The following FOXP2 variants were observed in gnomAD, a reference collection of about 807,000 sequenced individuals.
FOXP2 encodes the protein forkhead box protein P2.
FOXP2 carries 12 observed loss-of-function variants against 115.8 expected under a neutral mutation model. The observed-to-expected ratio is 0.10, with a 90% confidence interval of 0.07 to 0.17. FOXP2 has a LOEUF of 0.17. FOXP2 is among the 10% of genes least tolerant of loss of function. The pLI is 1.00. For synonymous variants in FOXP2, 328 were observed against 297.7 expected (o/e 1.10, Z -1.05); for missense variants, 629 against 843.5 (o/e 0.75, Z 3.15).
chr7:114,319,636 AC>A (rs1332023405), intron 2 of FOXP2, among the ~76,000 whole-genome samples: 1 of 152,042 alleles, frequency 6.6e-6, no homozygotes, highest in Non-Finnish European at 1.5e-5. Context: ...CATGGGAAAG[AC>A]CCACCCCCAT....
rs112191899 is a variant in FOXP2, at chr7:114,605,200, T to C, written c.259-23340T>C. ...CATTTACATGTTTTTTTCTTGCCATTACATCTTCACAGCAGATTAAATGAC... is the reference window on the plus strand; with the variant it reads ...CATTTACATGTTTTTTTCTTGCCATCACATCTTCACAGCAGATTAAATGAC... On this transcript the variant is annotated intron_variant, in intron 3 of 16. Transcript: ENST00000350908. Among the ~76,000 whole-genome samples, 1,296 of 152,244 alleles carry C rather than the reference T, an allele frequency of 8.5e-3. 9 individuals are homozygous for C. The highest frequency in any genetic ancestry group is 0.012 in the Non-Finnish European group (830 of 68,010).
At chr7:114,642,812 A>ATATTTTT (rs1308357594) in intron 7 of FOXP2, among the ~76,000 whole-genome samples, 189 bp downstream of exon 7, 14 of 72,434 alleles carry the variant, frequency 1.9e-4, no homozygotes, top group African/African-American at 6.4e-4. Context: ...ATATATATAT[A>ATATTTTT]TTTTTTTTTT....
chr7:114,150,408 C>T (rs1188917428), intron 1 of FOXP2, among the ~76,000 whole-genome samples: 2 of 151,948 alleles, frequency 1.3e-5, no homozygotes, highest in East Asian at 3.9e-4. Context: ...TGGTATGTTT[C>T]TAGAAATAGT....
intron 3 of FOXP2, among the ~76,000 whole-genome samples, chr7:114,614,608 A>C (rs1031273912): frequency 1.3e-5 from 2 of 152,042 alleles, no homozygotes; most frequent in Non-Finnish European, 2.9e-5. Context: ...GTTCTCTAGA[A>C]TTTTTATGGT....
At chr7:114,134,245 C>T (rs574538427) in intron 1 of FOXP2, among the ~76,000 whole-genome samples, 2 of 152,080 alleles carry the variant, frequency 1.3e-5, no homozygotes, top group Non-Finnish European at 2.9e-5. Context: ...TGGTGAATAT[C>T]TCAGAGGGGG....
chr7:114,406,267 T>C (rs993430750), intron 2 of FOXP2, among the ~76,000 whole-genome samples: 18 of 151,964 alleles, frequency 1.2e-4, no homozygotes, highest in African/African-American at 4.3e-4. Context: ...AAAAAACATA[T>C]TTTGCTCCAG....
At chr7:114,233,842 A>G (rs1339832235) in intron 1 of FOXP2, among the ~76,000 whole-genome samples, 1 of 152,092 alleles carries the variant, frequency 6.6e-6, no homozygotes, top group Non-Finnish European at 1.5e-5. Context: ...GCAAAACACC[A>G]TCTCTACTAA....
At chr7:114,374,727 C>T (rs1792099712) in intron 2 of FOXP2, among the ~76,000 whole-genome samples, 1 of 152,186 alleles carries the variant, frequency 6.6e-6, no homozygotes, top group South Asian at 2.1e-4. Context: ...GGGATCTTGA[C>T]TTATCCTTAT....
intron 1 of FOXP2, among the ~76,000 whole-genome samples, chr7:114,219,198 A>C (rs1351827435): frequency 6.6e-6 from 1 of 152,094 alleles, no homozygotes; most frequent in Non-Finnish European, 1.5e-5. Context: ...TTTTTCAAAT[A>C]CAAAAGATTA....
chr7:114,638,276 C>A (rs1805333484), intron 6 of FOXP2, among the ~76,000 whole-genome samples: 1 of 152,076 alleles, frequency 6.6e-6, no homozygotes, highest in South Asian at 2.1e-4. Flanking sequence ...ACGCTGACTT[C>A]AAAATGAGAT....
At chr7:114,149,591 C>T (rs1421933519) in intron 1 of FOXP2, among the ~76,000 whole-genome samples, 1 of 151,636 alleles carries the variant, frequency 6.6e-6, no homozygotes, top group Non-Finnish European at 1.5e-5. Context: ...TTATTAATTC[C>T]CCCATTTAAC....
At chr7:114,650,963 T>G (rs569522800) in intron 8 of FOXP2, among the ~76,000 whole-genome samples, 1 of 152,166 alleles carries the variant, frequency 6.6e-6, no homozygotes, top group South Asian at 2.1e-4. Flanking sequence ...CAAATAAACC[T>G]TTTGTTTATA....
chr7:114,385,568 G>T (rs916988039), intron 2 of FOXP2, among the ~76,000 whole-genome samples: 6 of 152,176 alleles, frequency 3.9e-5, no homozygotes, highest in East Asian at 1.9e-4. Flanking sequence ...ACAAACGTCC[G>T]CAGTAGAAGG....
At chr7:114,455,298 C>A (rs988425871) in intron 2 of FOXP2, among the ~76,000 whole-genome samples, 1 of 152,194 alleles carries the variant, frequency 6.6e-6, no homozygotes, top group African/African-American at 2.4e-5. Context: ...TCCTTCCACT[C>A]CACCCTCTGT....
chr7:114,430,294 C>T (rs1369307460), intron 2 of FOXP2, among the ~76,000 whole-genome samples: 1 of 151,564 alleles, frequency 6.6e-6, no homozygotes, highest in Non-Finnish European at 1.5e-5. Flanking sequence ...ATTACAAACG[C>T]ACTTTTCAAA....
intron 7 of FOXP2, among the ~76,000 whole-genome samples, chr7:114,643,424 C>T (rs777359733): frequency 7.9e-5 from 12 of 151,830 alleles, no homozygotes; most frequent in Non-Finnish European, 1.0e-4. Context: ...ATCTGGTTTG[C>T]CTTTTTAATT....
At chr7:114,443,317 A>C (rs1794690541) in intron 2 of FOXP2, among the ~76,000 whole-genome samples, 1 of 152,204 alleles carries the variant, frequency 6.6e-6, no homozygotes, top group Non-Finnish European at 1.5e-5. Flanking sequence ...GAATACAAAA[A>C]AGGCACATGC....
chr7:114,285,561 T>A (rs552212995), intron 1 of FOXP2: 1 of 152,218 alleles, frequency 6.6e-6, no homozygotes, highest in South Asian at 2.1e-4. Flanking sequence ...TGTTAGGTCT[T>A]CCAAATTGTT....
chr7:114,149,740 T>C (rs1056099375), intron 1 of FOXP2, among the ~76,000 whole-genome samples: 19 of 152,084 alleles, frequency 1.2e-4, no homozygotes, highest in African/African-American at 4.6e-4. Flanking sequence ...TGTAAGTATG[T>C]GTTAAAATAA....
Sources: allele counts gnomAD v4.1 joint callset (sites outside exome capture counted in the v4.1 genomes callset), GRCh38; gene constraint gnomAD v4.1.1; transcripts MANE v1.5; gene names NCBI Gene and HGNC (gene_info 2026-07-23, HGNC 2026-07-21).